Variants in CPQ observed in about 807,000 individuals in gnomAD.
CPQ encodes Ser-Met dipeptidase.
A neutral mutation model predicts 45.7 loss-of-function variants in CPQ; 37 were observed. The ratio of observed to expected loss-of-function variants is 0.81; its 90% CI spans 0.62 to 1.07. The LOEUF (loss-of-function observed/expected upper bound fraction) is 1.07, where lower values mean the gene tolerates loss of function less well. Ranked by LOEUF, CPQ falls within the 50% of genes least tolerant of loss-of-function variation. CPQ has a pLI of 0.00. For synonymous variants in CPQ, 186 were observed against 205.8 expected (o/e 0.90, Z 0.82); for missense variants, 537 against 572.9 (o/e 0.94, Z 0.64).
intron 4 of CPQ, among the ~76,000 whole-genome samples, chr8:96,890,664 C>A (rs914684254): frequency 6.6e-6 from 1 of 152,198 alleles, no homozygotes; most frequent in African/African-American, 2.4e-5. Flanking sequence ...CCTTCTTAGC[C>A]TGTTGACTTA....
At chr8:96,960,045 A>G (rs573653432) in intron 4 of CPQ, among the ~76,000 whole-genome samples, 19 of 152,272 alleles carry the variant, frequency 1.2e-4, no homozygotes, top group Non-Finnish European at 2.5e-4. Context: ...GTTTAGATGA[A>G]TATCTATACA....
At chr8:97,056,730 G>T (rs1020985465) in intron 6 of CPQ, among the ~76,000 whole-genome samples, 1 of 152,124 alleles carries the variant, frequency 6.6e-6, no homozygotes, top group African/African-American at 2.4e-5. Context: ...GACATTAGTT[G>T]GATGCTTAGA....
intron 1 of CPQ, among the ~76,000 whole-genome samples, chr8:96,665,829 G>A (rs1238137090): frequency 2.0e-5 from 3 of 152,038 alleles, no homozygotes; most frequent in South Asian, 2.1e-4. Context: ...ACATTCCAGC[G>A]ATCCCGGTGG....
At chr8:97,087,687 C>CA (rs1410986375) in intron 7 of CPQ, among the ~76,000 whole-genome samples, 2 of 152,090 alleles carry the variant, frequency 1.3e-5, no homozygotes, top group African/African-American at 4.8e-5. Context: ...ATCACAAATG[C>CA]AAAAGACTGT....
chr8:96,936,974 C>T (rs1485369372), intron 4 of CPQ, among the ~76,000 whole-genome samples: 3 of 151,990 alleles, frequency 2.0e-5, no homozygotes, highest in African/African-American at 7.3e-5. Flanking sequence ...TCCTTCCTTC[C>T]TTCCTCCCTC....
chr8:96,866,632 G>A (rs1435265111), intron 3 of CPQ, among the ~76,000 whole-genome samples: 6 of 151,690 alleles, frequency 4.0e-5, no homozygotes, highest in African/African-American at 1.4e-4. Flanking sequence ...CAGTTTTTTT[G>A]GTGTTAACGT....
chr8:97,028,907 G>C (rs1436124035), intron 5 of CPQ, among the ~76,000 whole-genome samples: 1 of 152,154 alleles, frequency 6.6e-6, no homozygotes, highest in African/African-American at 2.4e-5. Context: ...CTGCTTTTCA[G>C]TTATTACATT....
At chr8:97,005,804 G>A (rs1223123575) in intron 5 of CPQ, among the ~76,000 whole-genome samples, 2 of 152,152 alleles carry the variant, frequency 1.3e-5, no homozygotes, top group East Asian at 3.8e-4. Context: ...GTGAGTGTGA[G>A]TATATACAGT....
At chr8:96,996,755 C>A (rs964129449) in intron 5 of CPQ, among the ~76,000 whole-genome samples, 15 of 151,874 alleles carry the variant, frequency 9.9e-5, no homozygotes, top group African/African-American at 3.6e-4. Context: ...TATCTGTTTT[C>A]AGCTTCTCCC....
At chr8:96,761,585 A>G (rs888046251) in intron 1 of CPQ, 1 of 152,184 alleles carries the variant, frequency 6.6e-6, no homozygotes, top group African/African-American at 2.4e-5. Flanking sequence ...GTGGTAGTTC[A>G]AAGATCTGGC....
At chr8:97,099,657 G>C (rs1352052541) in intron 7 of CPQ, among the ~76,000 whole-genome samples, 1 of 151,962 alleles carries the variant, frequency 6.6e-6, no homozygotes, top group Non-Finnish European at 1.5e-5. Flanking sequence ...AAGGATCAAA[G>C]AAGGGAAAAT....
chr8:96,670,967 G>T (rs1283049600), intron 1 of CPQ, among the ~76,000 whole-genome samples: 2 of 152,124 alleles, frequency 1.3e-5, no homozygotes, highest in Non-Finnish European at 2.9e-5. Context: ...TCTATGTCTG[G>T]ACTGTCTCAA....
intron 1 of CPQ, among the ~76,000 whole-genome samples, chr8:96,690,238 C>T (rs1374594737): frequency 6.6e-6 from 1 of 152,040 alleles, no homozygotes; most frequent in African/African-American, 2.4e-5. Flanking sequence ...TTTTGTGGCT[C>T]TTATGCAAGT....
rs186101121 is a variant in CPQ, at chr8:97,102,857, C to A, written c.1255+36647C>A. ...TTAAGATGACTTAAAACAACAACAA[C>A]AAAAAAGTGTCTTTTTTTACGTTCT... On this transcript the variant is annotated intron_variant, in intron 7 of 7. Transcript: ENST00000220763. 2.2e-4 allele frequency among the ~76,000 whole-genome samples: 33 copies of A among 152,184 alleles called. No individual in the cohort carries two copies. In the East Asian group the frequency reaches 6.0e-3, roughly 28 times the overall value.
chr8:97,142,897 A>G, intron 7 of CPQ, 123 bp from the exon 8 acceptor site: 1 of 827,844 alleles, frequency 1.2e-6, no homozygotes, highest in Non-Finnish European at 1.9e-6. Context: ...GAGCCTGGAA[A>G]AGTAATTATT....
chr8:96,975,384 T>C (rs11997742), intron 5 of CPQ, among the ~76,000 whole-genome samples: 6,918 of 152,114 alleles, frequency 0.045, 230 homozygotes, highest in African/African-American at 0.084. Flanking sequence ...GATAGATTCA[T>C]GGCTGAATTC....
At chr8:96,782,139 A>G (rs1172679868) in intron 1 of CPQ, among the ~76,000 whole-genome samples, 3 of 152,130 alleles carry the variant, frequency 2.0e-5, no homozygotes, top group Non-Finnish European at 4.4e-5. Context: ...TTCACTAGAC[A>G]TTGCTTTAGT....
chr8:96,946,371 G>A (rs1813188570), intron 4 of CPQ, among the ~76,000 whole-genome samples: 3 of 152,184 alleles, frequency 2.0e-5, no homozygotes, highest in South Asian at 4.1e-4. Context: ...TAGATTTAAT[G>A]TATCACATTT....
chr8:96,652,987 A>G (rs1200266860), intron 1 of CPQ, among the ~76,000 whole-genome samples: 2 of 152,184 alleles, frequency 1.3e-5, no homozygotes, highest in African/African-American at 2.4e-5. Flanking sequence ...GCTGGAGTAC[A>G]GGGGCGTGAT....
Sources: allele counts gnomAD v4.1 joint callset (sites outside exome capture counted in the v4.1 genomes callset), GRCh38; gene constraint gnomAD v4.1.1; transcripts MANE v1.5; gene names NCBI Gene and HGNC (gene_info 2026-07-23, HGNC 2026-07-21).